The following PRKN variants were observed in gnomAD, a reference collection of about 807,000 sequenced individuals.
PRKN encodes E3 ubiquitin-protein ligase parkin.
A neutral mutation model predicts 59.5 loss-of-function variants in PRKN; 56 were observed. That is an observed-to-expected ratio of 0.94 (90% CI 0.76 to 1.18). The LOEUF is 1.18. Ranked by LOEUF, PRKN falls within the 50% of genes most tolerant of loss-of-function variation. The pLI is 0.00. For missense variants in PRKN, 657 were observed against 596.4 expected, an observed-to-expected ratio of 1.10 and a Z score of -1.06; for synonymous variants, 250 against 222.1, an observed-to-expected ratio of 1.13 and a Z score of -1.12.
intron 1 of PRKN, among the ~76,000 whole-genome samples, chr6:162,640,630 T>C (rs1777922736): frequency 6.6e-6 from 1 of 152,200 alleles, no homozygotes; most frequent in Admixed American, 6.5e-5. Context: ...TCCTTAGTAA[T>C]TAAGTTTTAT....
chr6:162,649,650 C>T (rs1431768630), intron 1 of PRKN, among the ~76,000 whole-genome samples: 2 of 151,734 alleles, frequency 1.3e-5, no homozygotes, highest in Admixed American at 6.6e-5. Flanking sequence ...CAGTGCAATA[C>T]TCTGTCTCAA....
At chr6:162,434,241 A>C (rs971191234) in intron 2 of PRKN, among the ~76,000 whole-genome samples, 3 of 152,202 alleles carry the variant, frequency 2.0e-5, no homozygotes, top group Non-Finnish European at 4.4e-5. Context: ...AACAATTGAT[A>C]CTAGAACACT....
intron 6 of PRKN, among the ~76,000 whole-genome samples, chr6:161,789,178 A>G (rs1040744123): frequency 1.3e-5 from 2 of 152,212 alleles, no homozygotes; most frequent in African/African-American, 2.4e-5. Context: ...AAGTTATTAG[A>G]TTAATCACCT....
rs187112052 is a variant in PRKN, at chr6:161,640,502, A to G, written c.872-71086T>C. On this transcript the variant is annotated intron_variant, in intron 7 of 11. Coordinates refer to ENST00000366898, the MANE Select transcript of PRKN (RefSeq NM_004562.3). ...GTCAATTAGTCTCAACTGGTATGAAACAAGAGACAACGAGATATGGAATAC... is the reference window on the plus strand; with the variant it reads ...GTCAATTAGTCTCAACTGGTATGAAGCAAGAGACAACGAGATATGGAATAC... 8.2e-4 allele frequency among the ~76,000 whole-genome samples: 125 copies of G among 152,294 alleles called. 1 individual carries two copies. The highest frequency in any genetic ancestry group is 3.0e-3 in the African/African-American group (124 of 41,568).
chr6:162,644,664 T>C (rs980757633), intron 1 of PRKN, among the ~76,000 whole-genome samples: 4 of 152,198 alleles, frequency 2.6e-5, no homozygotes, highest in Admixed American at 2.6e-4. Context: ...CCAATTTTCT[T>C]AGTAAACTTG....
At chr6:162,203,370 A>T (rs187091831) in intron 3 of PRKN, among the ~76,000 whole-genome samples, 20 of 152,172 alleles carry the variant, frequency 1.3e-4, no homozygotes, top group Non-Finnish European at 2.6e-4. Flanking sequence ...GGGGATTAAC[A>T]GCCAGTCTAA....
chr6:162,034,168 CATATAT>C (rs747375762), intron 5 of PRKN, among the ~76,000 whole-genome samples: 2 of 132,106 alleles, frequency 1.5e-5, no homozygotes, highest in African/African-American at 5.7e-5. Context: ...TGTACACATA[CATATAT>C]ATATATATAT....
At chr6:161,755,791 CTGT>C (rs1788891103) in intron 7 of PRKN, among the ~76,000 whole-genome samples, 1 of 152,064 alleles carries the variant, frequency 6.6e-6, no homozygotes, top group African/African-American at 2.4e-5. Flanking sequence ...TTGACGTGTG[CTGT>C]TGGCTGGCTG....
At chr6:161,422,804 A>C (rs1180421171) in intron 9 of PRKN, among the ~76,000 whole-genome samples, 2 of 152,176 alleles carry the variant, frequency 1.3e-5, no homozygotes, top group Non-Finnish European at 2.9e-5. Flanking sequence ...ACATATTTTC[A>C]AAGCTACTTC....
chr6:161,473,396 G>T lies in PRKN; in HGVS notation c.1083+75458C>A, dbSNP rs1670269603. On this transcript the variant is annotated intron_variant, in intron 9 of 11. Transcript: ENST00000366898. The surrounding 1 kb of genome is among the most constrained non-coding windows in gnomAD (Gnocchi z 4.1). ...TATATATAAAATGGAATATTATCAA[G>T]CCTTAAAAAGGAGATTCTACTATTT... is the stretch of plus-strand genomic sequence containing the variant. Among the ~76,000 whole-genome samples, 1 of 150,914 alleles carries T rather than the reference G, an allele frequency of 6.6e-6. No individual in the cohort carries two copies. The highest frequency in any genetic ancestry group is 1.5e-5 in the Non-Finnish European group (1 of 67,800).
chr6:162,024,192 C>T (rs1265394941), intron 5 of PRKN, among the ~76,000 whole-genome samples: 1 of 104,760 alleles, frequency 9.5e-6, no homozygotes, highest in Non-Finnish European at 1.8e-5. Context: ...CCTCCCCCAA[C>T]CCTTTTTTTT....
At chr6:161,624,713 C>T (rs1783025137) in intron 7 of PRKN, among the ~76,000 whole-genome samples, 1 of 152,216 alleles carries the variant, frequency 6.6e-6, no homozygotes, top group South Asian at 2.1e-4. Context: ...CCACAGGAAA[C>T]TCAAGGTTGC....
At chr6:162,608,348 C>G (rs1305801887) in intron 1 of PRKN, among the ~76,000 whole-genome samples, 2 of 152,080 alleles carry the variant, frequency 1.3e-5, no homozygotes, top group Non-Finnish European at 2.9e-5. Context: ...CCGACAAAGT[C>G]AGGACGTTAA....
intron 6 of PRKN, among the ~76,000 whole-genome samples, chr6:161,858,815 G>C (rs560227134): frequency 2.0e-5 from 3 of 148,646 alleles, no homozygotes; most frequent in Non-Finnish European, 4.5e-5. Flanking sequence ...TTAATGCTTA[G>C]TATGCTCAGG....
At chr6:161,786,505 ATAAT>A (rs1337185601) in intron 6 of PRKN, among the ~76,000 whole-genome samples, 1 of 152,186 alleles carries the variant, frequency 6.6e-6, no homozygotes, top group African/African-American at 2.4e-5. Flanking sequence ...TCCCATAAAC[ATAAT>A]TAGAGAAAAT....
At chr6:162,110,290 A>G (rs1403023370) in intron 4 of PRKN, among the ~76,000 whole-genome samples, 1 of 152,174 alleles carries the variant, frequency 6.6e-6, no homozygotes, top group Non-Finnish European at 1.5e-5. Flanking sequence ...ATTCTACCAT[A>G]TAGTAAAATG....
At chr6:161,783,650 T>C (rs747864276) in intron 7 of PRKN, 3 of 505,542 alleles carry the variant, frequency 5.9e-6, no homozygotes, top group Admixed American at 4.3e-5. Flanking sequence ...TAGAAATGTT[T>C]CTATTGTTTG....
At position 161,395,352 on chromosome 6, in the gene PRKN, G is replaced by C. The variant is rs1405900756; in HGVS notation, c.1084-8475C>G. On this transcript the variant is annotated intron_variant, in intron 9 of 11. Transcript: ENST00000366898. The surrounding 1 kb of genome is among the most constrained non-coding windows in gnomAD (Gnocchi z 5.0). The stretch of plus-strand genomic sequence containing the variant: ...ACACAATATTCCAGTGGATAGATGT[G>C]CCTTCGTTCATTTCACCAGCCCCTC... Among the ~76,000 whole-genome samples the C allele has an allele frequency of 6.6e-6, 1 of 152,122 alleles. No homozygotes were observed. The highest frequency in any genetic ancestry group is 2.4e-5 in the African/African-American group (1 of 41,404).
At chr6:161,449,979 A>G (rs1000846186) in intron 9 of PRKN, among the ~76,000 whole-genome samples, 1 of 152,094 alleles carries the variant, frequency 6.6e-6, no homozygotes, top group Non-Finnish European at 1.5e-5. Context: ...TCCATTACTC[A>G]TTCTCCCTAC....
Sources: allele counts gnomAD v4.1 joint callset (sites outside exome capture counted in the v4.1 genomes callset), GRCh38; gene constraint gnomAD v4.1.1; non-coding constraint Gnocchi (gnomAD v3.1); transcripts MANE v1.5; gene names NCBI Gene and HGNC (gene_info 2026-07-23, HGNC 2026-07-21).